ACO1: variants seen among roughly 807,000 people sequenced by gnomAD.
ACO1 encodes cytoplasmic aconitate hydratase.
ACO1 carries 78 observed loss-of-function variants against 105.1 expected under a neutral mutation model. The observed-to-expected ratio is 0.74, with a 90% CI of 0.62 to 0.90. ACO1 has a LOEUF of 0.90. ACO1 is among the 40% of genes least tolerant of loss of function. The probability of loss-of-function intolerance (pLI) is 0.00; values close to 1 mark genes in which losing one functional copy is unlikely to be tolerated. For missense variants in ACO1, 965 were observed against 1,111.1 expected, an observed-to-expected ratio of 0.87 and a Z score of 1.87; for synonymous variants, 364 against 397.4, an observed-to-expected ratio of 0.92 and a Z score of 1.00.
chr9:32,434,261 T>C (rs1033862856), intron 16 of ACO1, among the ~76,000 whole-genome samples: 3 of 152,206 alleles, frequency 2.0e-5, no homozygotes, highest in African/African-American at 7.2e-5. Flanking sequence ...GTCCTTAGCA[T>C]CTGAGGAGTT....
chr9:32,433,789 C>T lies in ACO1; in HGVS notation c.1913C>T (p.Ser638Phe). 6.2e-7 allele frequency: 1 copy of T among 1,612,778 alleles called. No homozygotes were observed. The highest frequency in any genetic ancestry group is 8.5e-7 in the Non-Finnish European group (1 of 1,179,688). The change falls in exon 16 of 21, where the codon TCC becomes TTC. Residue 638 changes from serine (S) to phenylalanine (F), a missense_variant. Transcript: ENST00000309951. The stretch of plus-strand genomic sequence containing the variant: ...TCAGATAAGCTGTTTTTCTGGAATT[C>T]CAAATCTACGTATATCAAATCACCA... ...TPSDKLFFWN[S>F]KSTYIKSPPF...
intron 8 of ACO1, among the ~76,000 whole-genome samples, chr9:32,423,013 T>G (rs576868576): frequency 1.3e-5 from 2 of 152,180 alleles, no homozygotes; most frequent in African/African-American, 4.8e-5. Flanking sequence ...AGGTGTAAGA[T>G]TCTCCTAATT....
chr9:32,405,380 C>G (rs146405504), intron 1 of ACO1, 105 bp from the exon 2 acceptor site: 8 of 657,510 alleles, frequency 1.2e-5, no homozygotes, highest in Middle Eastern at 2.5e-4. Context: ...AAAATGCAAA[C>G]AATACTAAAA....
Position 32,418,512 on chromosome 9 carries a change from G to A in ACO1, c.658+1G>A. On this transcript the variant is annotated splice_donor_variant, in intron 6 of 20. Coordinates refer to ENST00000309951, the MANE Select transcript of ACO1 (RefSeq NM_002197.3). LOFTEE classifies it high-confidence loss of function. ...GATGGCTTGGGCATTCTTGGTTGGG[G>A]TGAGTGTTCTTCCATATATGCTGTT... 6.2e-7 allele frequency: 1 copy of A among 1,610,932 alleles called. No homozygotes were observed. The highest frequency in any genetic ancestry group is 8.5e-7 in the Non-Finnish European group (1 of 1,177,546).
At chr9:32,394,848 A>G (rs1419080025) in intron 1 of ACO1, among the ~76,000 whole-genome samples, 1 of 152,166 alleles carries the variant, frequency 6.6e-6, no homozygotes, top group East Asian at 1.9e-4. Flanking sequence ...CATGAGTCAT[A>G]ATCCCCGAGT....
At chr9:32,416,781 C>T (rs183865168) in intron 4 of ACO1, among the ~76,000 whole-genome samples, 4 of 152,314 alleles carry the variant, frequency 2.6e-5, no homozygotes, top group Admixed American at 2.6e-4. Context: ...CAGGGCCAGT[C>T]AGACCTAGGC....
chr9:32,444,733 TATG>T (rs1251635121), intron 19 of ACO1, among the ~76,000 whole-genome samples: 2 of 152,206 alleles, frequency 1.3e-5, no homozygotes, highest in African/African-American at 4.8e-5. Context: ...GCCCATTCAG[TATG>T]ATATTGACTG....
chr9:32,435,727 T>C (rs1294753844), intron 17 of ACO1, among the ~76,000 whole-genome samples: 1 of 152,172 alleles, frequency 6.6e-6, no homozygotes, highest in Non-Finnish European at 1.5e-5. Flanking sequence ...CTCATGAAAG[T>C]TGTAAGTTAT....
At chr9:32,414,891 G>C (rs1248264047) in intron 4 of ACO1, among the ~76,000 whole-genome samples, 1 of 152,172 alleles carries the variant, frequency 6.6e-6, no homozygotes, top group East Asian at 1.9e-4. Flanking sequence ...TAGTTTAGAA[G>C]GGGAGAGAAA....
intron 19 of ACO1, among the ~76,000 whole-genome samples, chr9:32,440,934 G>A (rs915116917): frequency 6.6e-6 from 1 of 152,098 alleles, no homozygotes; most frequent in Non-Finnish European, 1.5e-5. Flanking sequence ...CATTCTCAGA[G>A]GCTGAGGACC....
chr9:32,393,065 T>C (rs1024548688), intron 1 of ACO1, among the ~76,000 whole-genome samples: 2 of 152,178 alleles, frequency 1.3e-5, no homozygotes, highest in Non-Finnish European at 2.9e-5. Flanking sequence ...GCATGTGTGT[T>C]TGAACAATAT....
intron 15 of ACO1, 106 bp from the exon 16 acceptor site, chr9:32,433,622 A>G: frequency 1.3e-6 from 1 of 796,406 alleles, no homozygotes; most frequent in Admixed American, 2.6e-5. Context: ...GAGAATAAAA[A>G]TGGTTCTTAG....
chr9:32,408,472 A>G, intron 3 of ACO1, 42 bp from the exon 4 acceptor site: 1 of 1,611,392 alleles, frequency 6.2e-7, no homozygotes, highest in Non-Finnish European at 8.5e-7. Context: ...AGTTACACAC[A>G]TTTAAGGCTT....
chr9:32,411,311 C>G (rs1821734125), intron 4 of ACO1, among the ~76,000 whole-genome samples: 1 of 152,140 alleles, frequency 6.6e-6, no homozygotes, highest in Non-Finnish European at 1.5e-5. Context: ...ATAACTTTTC[C>G]ATATACAGTG....
At chr9:32,402,928 A>G (rs1350195054) in intron 1 of ACO1, among the ~76,000 whole-genome samples, 1 of 152,120 alleles carries the variant, frequency 6.6e-6, no homozygotes, top group East Asian at 1.9e-4. Flanking sequence ...CTTTCTACTG[A>G]CCTGTGGCTC....
chr9:32,407,532 A>G, intron 3 of ACO1, 103 bp downstream of exon 3: 1 of 1,092,534 alleles, frequency 9.2e-7, no homozygotes, highest in Non-Finnish European at 1.3e-6. Context: ...TATATACTTT[A>G]TTAATTTATG....
At chr9:32,403,437 G>A (rs1335656918) in intron 1 of ACO1, among the ~76,000 whole-genome samples, 1 of 152,090 alleles carries the variant, frequency 6.6e-6, no homozygotes, top group Non-Finnish European at 1.5e-5. Flanking sequence ...GAGGCAAATG[G>A]TAGTGCACTT....
intron 1 of ACO1, among the ~76,000 whole-genome samples, chr9:32,387,144 A>G (rs527714512): frequency 2.4e-4 from 36 of 152,286 alleles, no homozygotes; most frequent in African/African-American, 8.2e-4. Flanking sequence ...CATAGGAAGT[A>G]ATTTCCTGTG....
Position 32,452,367 on chromosome 9 carries a change from TAA to T in ACO1, c.*2259_*2260del, listed in dbSNP as rs1158591363. The T allele has an allele frequency of 6.6e-6, 1 of 152,122 alleles. No individual in the cohort carries two copies. The highest frequency in any genetic ancestry group is 2.4e-5 in the African/African-American group (1 of 41,424). The allele number at this position is 152,122 out of a possible 1,614,324, so 9.4% of individuals were successfully genotyped here. The stretch of plus-strand genomic sequence containing the variant: ...ATTAGATCATGAGGGTAGTGCCTTT[TAA>T]AAGAGACTCAAGATAAGATAGAGAC... On this transcript the variant is annotated 3_prime_UTR_variant, in exon 21 of 21. Coordinates refer to ENST00000309951, the MANE Select transcript of ACO1 (RefSeq NM_002197.3).
Sources: gnomAD v4.1 joint callset for allele counts (sites outside exome capture counted in the v4.1 genomes callset) on GRCh38, gnomAD v4.1.1 for gene constraint, MANE v1.5 for transcripts, NCBI Gene and HGNC (gene_info 2026-07-23, HGNC 2026-07-21) for gene names.